BAZ2B: variants seen among roughly 807,000 people sequenced by gnomAD.
The protein encoded by BAZ2B is bromodomain adjacent to zinc finger domain protein 2B.
BAZ2B carries 91 observed loss-of-function variants against 246.0 expected under a neutral mutation model. The observed-to-expected ratio is 0.37, with a 90% CI of 0.31 to 0.44. The LOEUF is 0.44. Among genes scored for constraint, BAZ2B ranks in the 20% least tolerant of loss-of-function variants. The probability of loss-of-function intolerance (pLI) is 1.00; values close to 1 mark genes in which losing one functional copy is unlikely to be tolerated. For synonymous variants in BAZ2B, 855 were observed against 860.0 expected (o/e 0.99, Z 0.10); for missense variants, 2,332 against 2,533.7 (o/e 0.92, Z 1.71).
At chr2:159,597,104 T>C (rs1431905958) in intron 1 of BAZ2B, among the ~76,000 whole-genome samples, 1 of 152,182 alleles carries the variant, frequency 6.6e-6, no homozygotes, top group Non-Finnish European at 1.5e-5. Context: ...ATAAGTAAGG[T>C]GGTATTGCAT....
rs184072036 is a variant in BAZ2B, at chr2:159,359,563, T to C, written c.4214-9206A>G. On this transcript the variant is annotated intron_variant, in intron 27 of 36. Coordinates refer to ENST00000392783, the MANE Select transcript of BAZ2B (RefSeq NM_013450.4). ...CTGCTACCATTCCTTTTGAAACTAT[T>C]CCCAACAATAGAAAAGGAGGGACTC... Among the ~76,000 whole-genome samples the C allele has an allele frequency of 9.9e-5, 15 of 152,250 alleles. No homozygotes were observed. In the East Asian group the frequency reaches 2.3e-3, roughly 23 times the overall value.
At chr2:159,499,691 T>C (rs1214783234) in intron 2 of BAZ2B, among the ~76,000 whole-genome samples, 1 of 152,178 alleles carries the variant, frequency 6.6e-6, no homozygotes, top group Non-Finnish European at 1.5e-5. Flanking sequence ...TCTGTTGTTT[T>C]TGACTTTTTA....
chr2:159,500,846 T>C (rs1021475834), intron 2 of BAZ2B, among the ~76,000 whole-genome samples: 4 of 150,586 alleles, frequency 2.7e-5, no homozygotes, highest in Admixed American at 1.3e-4. Context: ...CCCAGCTACT[T>C]GGGAGGCTGA....
Position 159,332,557 on chromosome 2 carries a change from G to A in BAZ2B, c.5926C>T (p.Pro1976Ser). 6.2e-7 allele frequency: 1 copy of A among 1,613,870 alleles called. No individual in the cohort carries two copies. The highest frequency in any genetic ancestry group is 8.5e-7 in the Non-Finnish European group (1 of 1,179,890). ...GGTCTTACCTTAGCAATGCAAGCTG[G>A]ACAAAACCAGTCTCCATCTGGGATT... is the stretch of plus-strand genomic sequence containing the variant. ...TTIPDGDWFCPACIAKASGQT... is the reference protein window; with the variant it reads ...TTIPDGDWFCSACIAKASGQT... The change falls in exon 34 of 37, where the codon CCA (proline) becomes TCA (serine). Residue 1976 changes from proline to serine, a missense_variant. Transcript: ENST00000392783.
At chr2:159,607,978 G>C (rs982535101) in intron 1 of BAZ2B, among the ~76,000 whole-genome samples, 4 of 152,132 alleles carry the variant, frequency 2.6e-5, no homozygotes, top group Non-Finnish European at 5.9e-5. Flanking sequence ...TAATACAAAT[G>C]TATCAAATAT....
chr2:159,334,132 T>G (rs2065231619), intron 33 of BAZ2B, among the ~76,000 whole-genome samples: 1 of 152,172 alleles, frequency 6.6e-6, no homozygotes, highest in African/African-American at 2.4e-5. Flanking sequence ...AAATACTCAT[T>G]GTTTTCTCTA....
intron 1 of BAZ2B, among the ~76,000 whole-genome samples, chr2:159,574,138 C>T (rs113602188): frequency 0.32 from 35,638 of 109,924 alleles, 5,231 homozygotes; most frequent in Admixed American, 0.45. Flanking sequence ...CACACACACA[C>T]ACATACACAC....
the BAZ2B span, among the ~76,000 whole-genome samples, chr2:159,697,155 T>C: frequency 6.6e-6 from 1 of 152,290 alleles, no homozygotes; most frequent in Admixed American, 6.5e-5. Context: ...TTCAGAGTAA[T>C]GCATTTGCCA....
At chr2:159,528,148 T>G (rs985418953) in intron 2 of BAZ2B, among the ~76,000 whole-genome samples, 3 of 152,150 alleles carry the variant, frequency 2.0e-5, no homozygotes, top group African/African-American at 4.8e-5. Context: ...GGAGTTTAAG[T>G]AGGTAAATAA....
At chr2:159,563,044 G>A (rs557751688) in intron 1 of BAZ2B, among the ~76,000 whole-genome samples, 13 of 152,226 alleles carry the variant, frequency 8.5e-5, no homozygotes, top group African/African-American at 2.6e-4. Context: ...AAATAATCAT[G>A]CAATCTAATA....
the BAZ2B span, among the ~76,000 whole-genome samples, chr2:159,637,932 G>A: frequency 6.6e-6 from 1 of 152,202 alleles, no homozygotes; most frequent in South Asian, 2.1e-4. Flanking sequence ...CGGGGACCTG[G>A]AGGAACTCGC....
chr2:159,329,136 GAAA>G (rs567964390), intron 34 of BAZ2B, among the ~76,000 whole-genome samples: 1 of 73,478 alleles, frequency 1.4e-5, no homozygotes, highest in South Asian at 4.2e-4. Context: ...GTCTTAATAG[GAAA>G]AAAAAAAAAA....
intron 14 of BAZ2B, among the ~76,000 whole-genome samples, chr2:159,409,009 G>A (rs6432531): frequency 0.73 from 111,081 of 151,872 alleles, 41,837 homozygotes; most frequent in Non-Finnish European, 0.84. Flanking sequence ...CACCCAAGCT[G>A]TAGAAATAAA....
chr2:159,708,005 TA>T, the BAZ2B span, among the ~76,000 whole-genome samples: 4 of 151,350 alleles, frequency 2.6e-5, no homozygotes, highest in African/African-American at 9.7e-5. Context: ...AATAAATAAA[TA>T]AAAAAAATAA....
chr2:159,643,466 T>C, the BAZ2B span, among the ~76,000 whole-genome samples: 5 of 152,204 alleles, frequency 3.3e-5, no homozygotes, highest in Admixed American at 2.6e-4. Flanking sequence ...AACAGCCACA[T>C]TGAAGTTTAG....
intron 28 of BAZ2B, 76 bp from the exon 29 acceptor site, chr2:159,349,356 TA>T (rs1392200047): frequency 7.1e-7 from 1 of 1,401,070 alleles, no homozygotes; most frequent in African/African-American, 1.4e-5. Flanking sequence ...AATATGAAAT[TA>T]TTTTTCAAAT....
chr2:159,581,836 A>C (rs1421791615), intron 1 of BAZ2B, among the ~76,000 whole-genome samples: 1 of 149,088 alleles, frequency 6.7e-6, no homozygotes, highest in Non-Finnish European at 1.5e-5. Flanking sequence ...AAAACCAAAC[A>C]CCGCATGTTC....
At chr2:159,644,552 TTGG>T in the BAZ2B span, among the ~76,000 whole-genome samples, 3,796 of 152,336 alleles carry the variant, frequency 0.025, 73 homozygotes, top group Middle Eastern at 0.041. Context: ...TGAATCACCT[TTGG>T]TGTTATTCTT....
At chr2:159,491,720 C>CAAAAAAAAAAAAAAAAAAAAAA (rs773067675) in intron 2 of BAZ2B, among the ~76,000 whole-genome samples, 5 of 29,554 alleles carry the variant, frequency 1.7e-4, no homozygotes, top group Non-Finnish European at 2.6e-4. Flanking sequence ...GACTCCGTCT[C>CAAAAAAAAAAAAAAAAAAAAAA]AAAAAAAAAA....
Sources: allele counts gnomAD v4.1 joint callset (sites outside exome capture counted in the v4.1 genomes callset), GRCh38; gene constraint gnomAD v4.1.1; transcripts MANE v1.5; gene names NCBI Gene and HGNC (gene_info 2026-07-23, HGNC 2026-07-21).